The following DOCK7 variants were observed in gnomAD, a reference collection of about 807,000 sequenced individuals.
The protein encoded by DOCK7 is dedicator of cytokinesis protein 7.
A neutral mutation model predicts 271.0 loss-of-function variants in DOCK7; 138 were observed. The ratio of observed to expected loss-of-function variants is 0.51; its 90% CI spans 0.44 to 0.59. The LOEUF (loss-of-function observed/expected upper bound fraction) is 0.59. Ranked by LOEUF, DOCK7 falls within the 20% of genes least tolerant of loss-of-function variation. DOCK7 has a pLI of 0.00. For synonymous variants in DOCK7, 823 were observed against 876.1 expected, an observed-to-expected ratio of 0.94 and a Z score of 1.07; for missense variants, 2,066 against 2,592.4, an observed-to-expected ratio of 0.80 and a Z score of 4.41.
chr1:62,607,767 A>T (rs1009815985), intron 14 of DOCK7: 12 of 152,200 alleles, frequency 7.9e-5, no homozygotes, highest in African/African-American at 2.9e-4. Context: ...AAAATTGCAT[A>T]TGAATTGTGT....
At chr1:62,492,499 G>T in intron 41 of DOCK7, 2 of 532,852 alleles carry the variant, frequency 3.8e-6, no homozygotes, top group Non-Finnish European at 3.3e-6. Flanking sequence ...TGTTCCCCAT[G>T]CTGGTCTTGA....
At chr1:62,620,422 AAAATT>A (rs1282850089) in intron 12 of DOCK7, among the ~76,000 whole-genome samples, 1 of 152,120 alleles carries the variant, frequency 6.6e-6, no homozygotes, top group East Asian at 1.9e-4. Flanking sequence ...GTTAGAATAA[AAAATT>A]AAATTAAAAT....
At chr1:62,535,216 T>C (rs978660351) in intron 29 of DOCK7, among the ~76,000 whole-genome samples, 3 of 152,186 alleles carry the variant, frequency 2.0e-5, no homozygotes, top group Non-Finnish European at 2.9e-5. Context: ...TTATTTTATA[T>C]ATTATTAAGA....
Position 62,671,372 on chromosome 1 carries a change from T to C in DOCK7, c.39-8242A>G, listed in dbSNP as rs914134909. Among the ~76,000 whole-genome samples, 3 of 152,290 alleles carry C rather than the reference T, an allele frequency of 2.0e-5. No individual in the cohort carries two copies. In the East Asian group the frequency reaches 5.8e-4, roughly 29 times the overall value. On this transcript the variant is annotated intron_variant, in intron 1 of 49. Transcript: ENST00000635253. Reference sequence around the variant, plus strand: ...CATAATTCCTTCGCCAGAAAAGTAATTGACTAAGAATGCTTGAATGGAACA... The same window carrying C: ...CATAATTCCTTCGCCAGAAAAGTAACTGACTAAGAATGCTTGAATGGAACA...
intron 46 of DOCK7, 90 bp from the exon 47 acceptor site, chr1:62,475,441 A>G (rs1371314888): frequency 2.8e-6 from 4 of 1,420,550 alleles, no homozygotes; most frequent in Non-Finnish European, 3.8e-6. Context: ...AGAAAAAAAA[A>G]AGATCAATTG....
chr1:62,577,323 T>C lies in DOCK7; in HGVS notation c.2051A>G (p.Gln684Arg). 1 of 1,591,972 alleles carries C rather than the reference T, an allele frequency of 6.3e-7. No individual in the cohort carries two copies. The highest frequency in any genetic ancestry group is 1.7e-5 in the Admixed American group (1 of 59,540). Reference protein sequence around the residue: ...MLQNGRLKTGQFCLPVSLEKP... With the variant: ...MLQNGRLKTGRFCLPVSLEKP... The stretch of plus-strand genomic sequence containing the variant: ...TTCCAATGAGACTGGCAAGCAAAAC[T>C]GGCCAGTCTTCAACCGTCCATTCTG... Residue 684 changes from glutamine (Q) to arginine (R), a missense_variant, in exon 18 of 50, where the codon CAG becomes CGG. This residue lies in a region of DOCK7 where 1,414 missense variants were observed against 1,670.4 expected (regional missense o/e 0.85). Transcript: ENST00000635253.
intron 1 of DOCK7, among the ~76,000 whole-genome samples, chr1:62,680,639 T>C (rs1347080688): frequency 2.0e-5 from 3 of 152,098 alleles, no homozygotes; most frequent in Non-Finnish European, 4.4e-5. Flanking sequence ...AATCTACTCA[T>C]CTGACAAAGG....
At chr1:62,644,308 T>C (rs1656375159) in intron 7 of DOCK7, among the ~76,000 whole-genome samples, 1 of 152,218 alleles carries the variant, frequency 6.6e-6, no homozygotes, top group African/African-American at 2.4e-5. Flanking sequence ...AGCTTTCTCT[T>C]TTTATTTTTT....
chr1:62,539,195 C>CTCA (rs1304625948), intron 27 of DOCK7, among the ~76,000 whole-genome samples: 4 of 152,264 alleles, frequency 2.6e-5, no homozygotes, highest in African/African-American at 7.2e-5. Flanking sequence ...ACTCAAGATA[C>CTCA]AGAAGTCCAC....
intron 14 of DOCK7, among the ~76,000 whole-genome samples, chr1:62,593,833 C>A (rs1022988865): frequency 2.0e-5 from 3 of 151,788 alleles, no homozygotes; most frequent in African/African-American, 7.3e-5. Flanking sequence ...TCTTCCTATA[C>A]AACATTAATT....
chr1:62,539,820 G>A lies in DOCK7; in HGVS notation c.3118C>T (p.Arg1040Cys), dbSNP rs1443849347. 5 of 1,613,564 alleles carry A rather than the reference G, an allele frequency of 3.1e-6. No individual in the cohort carries two copies. The highest frequency in any genetic ancestry group is 4.2e-6 in the Non-Finnish European group (5 of 1,179,800). ...AGAGCTGCAATGTCATCCATGAAAC[G>A]TTCTGGAAAACGACTTTTCCTTGGA... The part of the protein sequence containing the change: ...EAPRKSRFPE[R>C]FMDDIAALVS... Residue 1040 changes from arginine (R) to cysteine (C), a missense_variant, in exon 26 of 50, where the codon CGT (arginine) becomes TGT (cysteine). Arg to Cys is a radical substitution (Grantham distance 180, BLOSUM62 -3). This residue lies in a region of DOCK7 where 1,414 missense variants were observed against 1,670.4 expected (regional missense o/e 0.85). Transcript: ENST00000635253.
intron 20 of DOCK7, 42 bp downstream of exon 20, chr1:62,558,947 G>T (rs533999920): frequency 1.4e-6 from 2 of 1,449,504 alleles, no homozygotes; most frequent in South Asian, 1.2e-5. Flanking sequence ...GAAATGTCAA[G>T]TTATAAATTT....
At chr1:62,553,051 T>A (rs1645965762) in intron 21 of DOCK7, 150 bp from the exon 22 acceptor site, 4 of 536,350 alleles carry the variant, frequency 7.5e-6, no homozygotes, top group Non-Finnish European at 1.1e-5. Flanking sequence ...TTTTTTTTTT[T>A]TTGAGACAGA....
intron 2 of DOCK7, among the ~76,000 whole-genome samples, chr1:62,655,881 C>G (rs1199305469): frequency 6.6e-6 from 1 of 152,128 alleles, no homozygotes; most frequent in Non-Finnish European, 1.5e-5. Context: ...TTCAATTCTA[C>G]AAATAAGGGC....
At chr1:62,582,613 A>C (rs942933663) in intron 16 of DOCK7, among the ~76,000 whole-genome samples, 10 of 150,940 alleles carry the variant, frequency 6.6e-5, no homozygotes, top group Non-Finnish European at 1.2e-4. Flanking sequence ...CAAAAAAAAA[A>C]AGATAAAATG....
intron 37 of DOCK7, among the ~76,000 whole-genome samples, chr1:62,500,694 T>G (rs1646756217): frequency 6.6e-6 from 1 of 152,170 alleles, no homozygotes; most frequent in African/African-American, 2.4e-5. Flanking sequence ...TTTCAATATA[T>G]CTACAACAAT....
chr1:62,657,881 TCAAAA>T (rs144820663), intron 2 of DOCK7, among the ~76,000 whole-genome samples: 1,968 of 150,060 alleles, frequency 0.013, 23 homozygotes, highest in East Asian at 0.047. Flanking sequence ...GAGTGAAAAA[TCAAAA>T]CAAAACAAAA....
intron 25 of DOCK7, among the ~76,000 whole-genome samples, chr1:62,540,357 G>C (rs1304977926): frequency 1.3e-5 from 2 of 151,990 alleles, no homozygotes; most frequent in African/African-American, 2.4e-5. Context: ...AAATTTTATA[G>C]AGACAGGGTC....
intron 19 of DOCK7, 67 bp from the exon 20 acceptor site, chr1:62,559,287 C>T: frequency 8.4e-7 from 1 of 1,188,834 alleles, no homozygotes; most frequent in Non-Finnish European, 1.2e-6. Context: ...TTCTAAAGGA[C>T]CACGGACCAC....
Sources: allele counts gnomAD v4.1 joint callset (sites outside exome capture counted in the v4.1 genomes callset), GRCh38; gene constraint gnomAD v4.1.1; regional missense constraint gnomAD v4.1.1; transcripts MANE v1.5; gene names NCBI Gene and HGNC (gene_info 2026-07-23, HGNC 2026-07-21).